Variants in LCORL observed in about 807,000 individuals in gnomAD.
The protein encoded by LCORL is ligand dependent nuclear receptor corepressor like.
LCORL carries 41 observed loss-of-function variants against 141.8 expected under a neutral mutation model. That is an observed-to-expected ratio of 0.29 (90% confidence interval 0.23 to 0.38). LCORL has a LOEUF of 0.38. Ranked by LOEUF, LCORL falls within the 10% of genes least tolerant of loss-of-function variation. The pLI is 1.00. For synonymous variants in LCORL, 618 were observed against 694.1 expected (o/e 0.89, Z 1.72); for missense variants, 1,759 against 2,035.0 (o/e 0.86, Z 2.61).
chr4:17,972,895 T>TAG lies in LCORL; in HGVS notation c.155-12_155-11dup. 7.4e-7 allele frequency: 1 copy of TAG among 1,353,164 alleles called. No homozygotes were observed. Among genetic ancestry groups the TAG allele is most frequent in the Non-Finnish European group, 9.7e-7 (1 of 1,028,426 alleles). 83.8% of individuals were successfully genotyped at this position (1,353,164 alleles called of 1,614,324 possible). A position where few individuals can be genotyped will look rare whatever the true frequency, so the allele number is the denominator to read the frequency against. On this transcript the variant is annotated splice_polypyrimidine_tract_variant and intron_variant, in intron 1 of 7. Transcript: ENST00000635767. ...AAAATACTCTCAAAACCTGTGTTTT[T>TAG]AGAGAGAGAAAAGTATATTAACTAC... is the stretch of plus-strand genomic sequence containing the variant.
intron 4 of LCORL, among the ~76,000 whole-genome samples, chr4:17,926,799 T>C (rs1165870783): frequency 6.6e-6 from 1 of 152,252 alleles, no homozygotes; most frequent in Non-Finnish European, 1.5e-5. Flanking sequence ...TGTGTTGTCA[T>C]CCAGGCTTTG....
chr4:17,960,794 A>G (rs1274619086), intron 4 of LCORL, among the ~76,000 whole-genome samples: 1 of 152,094 alleles, frequency 6.6e-6, no homozygotes, highest in Non-Finnish European at 1.5e-5. Flanking sequence ...ATTTTGAAAA[A>G]AGATTTGATT....
chr4:17,991,961 G>A (rs1720094969), intron 1 of LCORL, among the ~76,000 whole-genome samples: 1 of 152,116 alleles, frequency 6.6e-6, no homozygotes, highest in East Asian at 1.9e-4. Context: ...GAGACACAGA[G>A]AGTAATGGAT....
At chr4:17,987,856 G>A (rs1719271901) in intron 1 of LCORL, among the ~76,000 whole-genome samples, 1 of 152,142 alleles carries the variant, frequency 6.6e-6, no homozygotes, top group African/African-American at 2.4e-5. Flanking sequence ...TTATTGAGTT[G>A]TAAGCGTTAT....
At chr4:17,985,988 A>T (rs926017589) in intron 1 of LCORL, among the ~76,000 whole-genome samples, 2 of 152,112 alleles carry the variant, frequency 1.3e-5, no homozygotes, top group Non-Finnish European at 2.9e-5. Flanking sequence ...TTGCTTATTT[A>T]AAAAGGATCT....
Position 17,903,259 on chromosome 4 carries a change from T to C in LCORL, c.682+5835A>G, listed in dbSNP as rs1357626586. On this transcript the variant is annotated intron_variant, in intron 5 of 7. Transcript: ENST00000635767. ...TAAACATGCAAACAATTACAATGCA[T>C]TGAGAGGTTTACTATAATGAAAGTT... 3.3e-5 allele frequency among the ~76,000 whole-genome samples: 5 copies of C among 152,166 alleles called. No homozygotes were observed. In the South Asian group the frequency reaches 6.2e-4, roughly 19 times the overall value.
At chr4:17,943,940 A>C (rs1302730807) in intron 4 of LCORL, among the ~76,000 whole-genome samples, 7 of 152,188 alleles carry the variant, frequency 4.6e-5, no homozygotes, top group Non-Finnish European at 1.0e-4. Context: ...GTTTTAGTGA[A>C]AGCCATGTCC....
intron 4 of LCORL, among the ~76,000 whole-genome samples, chr4:17,955,359 G>C (rs893083321): frequency 2.3e-4 from 35 of 152,240 alleles, no homozygotes; most frequent in African/African-American, 7.5e-4. Context: ...AGTCTAACTA[G>C]GATGGATTGA....
chr4:17,862,535 A>G (rs1241684287), intron 7 of LCORL, among the ~76,000 whole-genome samples: 1 of 152,230 alleles, frequency 6.6e-6, no homozygotes, highest in Non-Finnish European at 1.5e-5. Flanking sequence ...CACATAGACC[A>G]ATGGAACAGA....
chr4:17,860,796 T>C (rs1476068441), intron 7 of LCORL, among the ~76,000 whole-genome samples: 1 of 152,186 alleles, frequency 6.6e-6, no homozygotes, highest in Non-Finnish European at 1.5e-5. Flanking sequence ...CATTCCAAAT[T>C]GGAGACATTG....
In LCORL at chr4:17,875,659, CA is replaced by C; in HGVS notation, c.3330del (p.Val1111PhefsTer21). ...GCACTAAAGGGCTCATTCTGGCAAA[CA>C]GTGATGTTTGTTTGATCAATTTTAG... On this transcript the variant is annotated frameshift_variant, in exon 7 of 8. Transcript: ENST00000635767. LOFTEE classifies it high-confidence loss of function. 1 of 1,231,330 alleles carries C rather than the reference CA, an allele frequency of 8.1e-7. No homozygotes were observed. The highest frequency in any genetic ancestry group is 1.0e-6 in the Non-Finnish European group (1 of 987,416). The allele number at this position is 1,231,330 out of a possible 1,614,324, so 76.3% of individuals were successfully genotyped here. A position where few individuals can be genotyped will look rare whatever the true frequency, so the allele number is the denominator to read the frequency against.
At chr4:17,948,500 G>A (rs1025847869) in intron 4 of LCORL, among the ~76,000 whole-genome samples, 1 of 152,024 alleles carries the variant, frequency 6.6e-6, no homozygotes, top group Non-Finnish European at 1.5e-5. Context: ...ATTTTCCAGT[G>A]TTATACATAT....
chr4:17,915,306 C>A (rs1292163877), intron 4 of LCORL, among the ~76,000 whole-genome samples: 1 of 152,144 alleles, frequency 6.6e-6, no homozygotes, highest in Non-Finnish European at 1.5e-5. Context: ...ATGACCACAA[C>A]CCAGCTCACT....
chr4:17,909,736 C>A (rs369220512), intron 4 of LCORL, among the ~76,000 whole-genome samples: 5 of 152,154 alleles, frequency 3.3e-5, no homozygotes, highest in East Asian at 3.9e-4. Context: ...TCCTAATATA[C>A]AATGTGCATG....
chr4:17,841,521 G>A (rs1335672256), exon 8 of LCORL: 1 of 151,844 alleles, frequency 6.6e-6, no homozygotes, highest in Non-Finnish European at 1.5e-5. Flanking sequence ...CAGGTAAGGA[G>A]TAGAAAAAAG....
chr4:17,994,737 T>A (rs933745440), intron 1 of LCORL, among the ~76,000 whole-genome samples: 1 of 151,454 alleles, frequency 6.6e-6, no homozygotes, highest in Admixed American at 6.6e-5. Flanking sequence ...GAGAAAAGAG[T>A]TGCGCCCTCA....
exon 8 of LCORL, chr4:17,842,689 T>G (rs1346184048): frequency 7.3e-6 from 2 of 272,446 alleles, no homozygotes; most frequent in African/African-American, 2.2e-5. Flanking sequence ...TTGATAATAT[T>G]TGGGTTCTCT....
intron 1 of LCORL, among the ~76,000 whole-genome samples, chr4:17,976,897 C>T (rs553782012): frequency 1.3e-5 from 2 of 152,166 alleles, no homozygotes; most frequent in South Asian, 2.1e-4. Flanking sequence ...TTTCTTTTTA[C>T]CATTGATTTT....
intron 1 of LCORL, among the ~76,000 whole-genome samples, chr4:17,983,579 G>A (rs1344175386): frequency 1.3e-5 from 2 of 152,070 alleles, no homozygotes; most frequent in African/African-American, 4.8e-5. Context: ...TGTTGTTGGT[G>A]TATAGGAATG....
Sources: gnomAD v4.1 joint callset for allele counts (sites outside exome capture counted in the v4.1 genomes callset) on GRCh38, gnomAD v4.1.1 for gene constraint, MANE v1.5 for transcripts, NCBI Gene and HGNC (gene_info 2026-07-23, HGNC 2026-07-21) for gene names.